ME2: variants seen among roughly 807,000 people sequenced by gnomAD.
ME2 encodes the protein NAD-dependent malic enzyme, mitochondrial.
Under a neutral mutation model 73.7 loss-of-function variants are expected in ME2, and 60 were observed. That is an observed-to-expected ratio of 0.81 (90% CI 0.66 to 1.01). The LOEUF (loss-of-function observed/expected upper bound fraction) is 1.01. Ranked by LOEUF, ME2 falls within the 50% of genes least tolerant of loss-of-function variation. The pLI, the probability that ME2 is intolerant of heterozygous loss-of-function variation, is 0.00. For synonymous variants in ME2, 199 were observed against 236.9 expected, an observed-to-expected ratio of 0.84 and a Z score of 1.47; for missense variants, 594 against 705.5, an observed-to-expected ratio of 0.84 and a Z score of 1.79.
At chr18:50,934,278 G>A (rs1304187819) in intron 13 of ME2, 3 of 152,142 alleles carry the variant, frequency 2.0e-5, no homozygotes, top group Non-Finnish European at 4.4e-5. Flanking sequence ...AAGGAATTTA[G>A]CAGTTGATTA....
chr18:50,893,769 C>T (rs1916666706), intron 1 of ME2, among the ~76,000 whole-genome samples: 1 of 152,198 alleles, frequency 6.6e-6, no homozygotes, highest in Non-Finnish European at 1.5e-5. Context: ...ACTCTTTCTG[C>T]TCTTCCCATT....
Position 50,896,243 on chromosome 18 carries a change from A to G in ME2, c.108+315A>G, listed in dbSNP as rs976007485. On this transcript the variant is annotated intron_variant, in intron 2 of 15. Coordinates refer to ENST00000321341, the MANE Select transcript of ME2 (RefSeq NM_002396.5). The stretch of plus-strand genomic sequence containing the variant: ...TTTGGGCCACATGTGAGATATTTAC[A>G]TTTCCCCAGCTCATATCAGGTACTC... Among the ~76,000 whole-genome samples the G allele has an allele frequency of 2.0e-5, 3 of 152,170 alleles. No homozygotes were observed. The East Asian group carries it at 5.8e-4, about 29-fold the overall frequency.
chr18:50,940,782 A>T (rs985006285), intron 15 of ME2, among the ~76,000 whole-genome samples: 12 of 152,212 alleles, frequency 7.9e-5, no homozygotes, highest in African/African-American at 2.9e-4. Flanking sequence ...CATTCTTATA[A>T]TTGGTTTCTT....
rs562001021 is a variant in ME2 at position 50,926,980 on chromosome 18, T to G, written c.1314+1082T>G. ...TGCATCTTCACCATCAGTGTTTGTC[T>G]TTTCTAAGGCTGTTTTTTTTGAGTC... On this transcript the variant is annotated intron_variant, in intron 12 of 15. Transcript: ENST00000321341. Among the ~76,000 whole-genome samples, 10 of 152,356 alleles carry G rather than the reference T, an allele frequency of 6.6e-5. No homozygotes were observed. The South Asian group carries it at 1.9e-3, about 28-fold the overall frequency.
At chr18:50,940,958 G>T (rs1917935515) in intron 15 of ME2, among the ~76,000 whole-genome samples, 1 of 151,714 alleles carries the variant, frequency 6.6e-6, no homozygotes. Flanking sequence ...GCTTCTTATT[G>T]TTAGAAATAA....
At chr18:50,904,195 GTA>G (rs1375253395) in intron 2 of ME2, among the ~76,000 whole-genome samples, 1 of 151,628 alleles carries the variant, frequency 6.6e-6, no homozygotes, top group Non-Finnish European at 1.5e-5. Flanking sequence ...AATTTGTGTG[GTA>G]TATCTTTTTC....
Position 50,925,866 on chromosome 18 carries a change from T to TGCACGGCTGAAGAA in ME2, c.1286_1299dup (p.Tyr434ArgfsTer24). On this transcript the variant is annotated frameshift_variant, in exon 12 of 16. Coordinates refer to ENST00000321341, the MANE Select transcript of ME2 (RefSeq NM_002396.5). LOFTEE classifies it high-confidence loss of function. ...AAGTAATCCTACAGCACAGGCAGAG[T>TGCACGGCTGAAGAA]GCACGGCTGAAGAAGCATATACACT... The TGCACGGCTGAAGAA allele has an allele frequency of 6.2e-7, 1 of 1,610,972 alleles. No individual in the cohort carries two copies. The highest frequency in any genetic ancestry group is 8.5e-7 in the Non-Finnish European group (1 of 1,177,260).
chr18:50,880,696 G>T (rs1374863617), intron 1 of ME2, among the ~76,000 whole-genome samples: 2 of 152,172 alleles, frequency 1.3e-5, no homozygotes, highest in Admixed American at 1.3e-4. Flanking sequence ...GGGATTACAG[G>T]CGTTAGCGAC....
intron 1 of ME2, among the ~76,000 whole-genome samples, chr18:50,888,108 G>T (rs773309792): frequency 6.6e-6 from 1 of 152,194 alleles, no homozygotes; most frequent in South Asian, 2.1e-4. Flanking sequence ...TTGGGAGGTT[G>T]AGGCTGGCAG....
At chr18:50,918,593 C>T (rs1188589126) in intron 7 of ME2, among the ~76,000 whole-genome samples, 1 of 152,174 alleles carries the variant, frequency 6.6e-6, no homozygotes, top group African/African-American at 2.4e-5. Context: ...CACTTCTCTA[C>T]CTCTTTGCAC....
chr18:50,925,739 C>G lies in ME2; in HGVS notation c.1172-17C>G. 6.2e-7 allele frequency: 1 copy of G among 1,610,402 alleles called. No homozygotes were observed. The highest frequency in any genetic ancestry group is 8.5e-7 in the Non-Finnish European group (1 of 1,178,012). ...ACCTATAATGAAGTTGCTGTTTTTC[C>G]CCCTTACTTATTACAGGAGTTGCAG... On this transcript the variant is annotated splice_polypyrimidine_tract_variant and intron_variant, in intron 11 of 15. Coordinates refer to ENST00000321341, the MANE Select transcript of ME2 (RefSeq NM_002396.5).
chr18:50,880,524 C>T (rs1421434947), intron 1 of ME2, among the ~76,000 whole-genome samples: 1 of 152,182 alleles, frequency 6.6e-6, no homozygotes, highest in African/African-American at 2.4e-5. Context: ...CGGTGGCTCA[C>T]GCATGTAATT....
intron 1 of ME2, among the ~76,000 whole-genome samples, chr18:50,886,192 C>T (rs1916463465): frequency 6.7e-6 from 1 of 149,924 alleles, no homozygotes; most frequent in Non-Finnish European, 1.5e-5. Context: ...ACTTGGGAAG[C>T]CTATACAGGT....
chr18:50,891,163 G>A (rs1331683946), intron 1 of ME2, among the ~76,000 whole-genome samples: 1 of 152,208 alleles, frequency 6.6e-6, no homozygotes, highest in African/African-American at 2.4e-5. Flanking sequence ...AGGCAAAAAT[G>A]TCTGAATTAT....
At chr18:50,922,712 C>T (rs538095305) in intron 10 of ME2, among the ~76,000 whole-genome samples, 95 of 152,188 alleles carry the variant, frequency 6.2e-4, no homozygotes, top group Middle Eastern at 3.2e-3. Context: ...TATTTCTTTT[C>T]CAGTGTGCAG....
intron 13 of ME2, chr18:50,935,751 C>CA (rs34993879): frequency 0.095 from 5,424 of 57,212 alleles, 532 homozygotes; most frequent in African/African-American, 0.14. Flanking sequence ...GACCCTGTCT[C>CA]AAAAAAAAAA....
At chr18:50,920,921 A>G (rs535501586) in intron 9 of ME2, among the ~76,000 whole-genome samples, 153 bp from the exon 10 acceptor site, 7 of 152,240 alleles carry the variant, frequency 4.6e-5, no homozygotes, top group African/African-American at 1.4e-4. Context: ...AATTTAAAAT[A>G]TGTTTCGAGA....
At chr18:50,925,923 A>C in intron 12 of ME2, 25 bp downstream of exon 12, 2 of 1,533,634 alleles carry the variant, frequency 1.3e-6, no homozygotes, top group Non-Finnish European at 1.8e-6. Context: ...ATGAATTGAT[A>C]TGTATATTAT....
At chr18:50,881,300 G>A (rs1916315830) in intron 1 of ME2, among the ~76,000 whole-genome samples, 1 of 152,072 alleles carries the variant, frequency 6.6e-6, no homozygotes, top group Non-Finnish European at 1.5e-5. Context: ...GCCTCCCAAA[G>A]TGCTGGGATT....
Sources: allele counts gnomAD v4.1 joint callset (sites outside exome capture counted in the v4.1 genomes callset), GRCh38; gene constraint gnomAD v4.1.1; transcripts MANE v1.5; gene names NCBI Gene and HGNC (gene_info 2026-07-23, HGNC 2026-07-21).